Variants in ERCC6L2 observed in about 807,000 individuals in gnomAD.
The protein encoded by ERCC6L2 is ERCC excision repair 6 like 2, also known as DNA excision repair protein ERCC-6-like 2.
In ERCC6L2, 77 loss-of-function variants were observed where a neutral mutation model predicts 132.0. That is an observed-to-expected ratio of 0.58 (90% CI 0.49 to 0.71). The LOEUF (loss-of-function observed/expected upper bound fraction) is 0.71. ERCC6L2 is among the 30% of genes least tolerant of loss of function. ERCC6L2 has a pLI of 0.00. For synonymous variants in ERCC6L2, 583 were observed against 632.4 expected, an observed-to-expected ratio of 0.92 and a Z score of 1.17; for missense variants, 1,542 against 1,837.6, an observed-to-expected ratio of 0.84 and a Z score of 2.94.
rs748637010 is a variant in ERCC6L2 at position 96,012,541 on chromosome 9, A to G, written c.3991A>G (p.Thr1331Ala). The change falls in exon 19 of 19, where the codon ACA becomes GCA. Residue 1331 changes from threonine (T) to alanine (A), a missense_variant. Physicochemically the swap from Thr to Ala is moderately conservative, Grantham distance 58. Around this residue, in one of 4 missense-constraint regions of ERCC6L2, gnomAD observed 442 missense variants for 583.4 expected, o/e 0.76. Coordinates refer to ENST00000653738, the MANE Select transcript of ERCC6L2 (RefSeq NM_020207.7). ...NKISQVCSLK[T>A]YKRKSVKFQN... ...AATTTCTCAAGTTTGCAGCCTAAAA[A>G]CATATAAAAGAAAATCAGTTAAGTT... 7.3e-7 allele frequency: 1 copy of G among 1,367,498 alleles called. No homozygotes were observed. Among genetic ancestry groups the G allele is most frequent in the East Asian group, 4.5e-5 (1 of 21,994 alleles). 84.7% of individuals were successfully genotyped at this position (1,367,498 alleles called of 1,614,324 possible). A position where few individuals can be genotyped will look rare whatever the true frequency, so the allele number is the denominator to read the frequency against.
chr9:95,957,408 A>ATT (rs34977945), intron 13 of ERCC6L2, among the ~76,000 whole-genome samples: 114 of 136,926 alleles, frequency 8.3e-4, no homozygotes, highest in African/African-American at 2.8e-3. Context: ...TAAACAGTTC[A>ATT]TTTTTTTTTT....
chr9:95,878,198 A>G (rs772745996), intron 1 of ERCC6L2, among the ~76,000 whole-genome samples: 18 of 152,208 alleles, frequency 1.2e-4, no homozygotes, highest in Non-Finnish European at 1.9e-4. Context: ...TTGGAACACA[A>G]CTGTGCCCAT....
intron 12 of ERCC6L2, among the ~76,000 whole-genome samples, chr9:95,943,621 A>G (rs1830910646): frequency 6.6e-6 from 1 of 152,176 alleles, no homozygotes; most frequent in African/African-American, 2.4e-5. Context: ...TAAAGTATTA[A>G]TATCTAGAAT....
Position 96,015,533 on chromosome 9 carries a change from C to T in ERCC6L2, c.*2330C>T, listed in dbSNP as rs963885314. On this transcript the variant is annotated 3_prime_UTR_variant, in exon 19 of 19. Coordinates refer to ENST00000653738, the MANE Select transcript of ERCC6L2 (RefSeq NM_020207.7). ...CTTTTAGGCCGGGCACAGTGGCTCA[C>T]GCCTGTAATCCCAGCACTTTGGGAG... Among the ~76,000 whole-genome samples the T allele has an allele frequency of 6.6e-5, 10 of 151,316 alleles. No individual in the cohort carries two copies. Among genetic ancestry groups the T allele is most frequent in the Non-Finnish European group, 1.3e-4 (9 of 67,836 alleles).
At chr9:95,970,542 T>G in intron 14 of ERCC6L2, 34 bp from the exon 15 acceptor site, 1 of 1,261,914 alleles carries the variant, frequency 7.9e-7, no homozygotes, top group South Asian at 1.3e-5. Context: ...CTGTGTTGCA[T>G]AGCTATTTGC....
rs1156284688 is a variant in ERCC6L2, at chr9:95,958,857, A to G, written c.1947+2844A>G. On this transcript the variant is annotated intron_variant, in intron 13 of 18. Coordinates refer to ENST00000653738, the MANE Select transcript of ERCC6L2 (RefSeq NM_020207.7). The stretch of plus-strand genomic sequence containing the variant: ...ACCTCTTCAAGGAGAACTGCAAACC[A>G]CTGCTCAATGAAATAAAAGAGGGTA... Among the ~76,000 whole-genome samples, 6 of 152,040 alleles carry G rather than the reference A, an allele frequency of 3.9e-5. No individual in the cohort carries two copies. In the East Asian group the frequency reaches 1.2e-3, roughly 29 times the overall value.
intron 5 of ERCC6L2, 92 bp from the exon 6 acceptor site, chr9:95,916,135 A>G: frequency 8.6e-7 from 1 of 1,169,036 alleles, no homozygotes; most frequent in Non-Finnish European, 1.2e-6. Flanking sequence ...GTTACCGTTG[A>G]TAATCAAGTA....
At position 96,012,238 on chromosome 9, in the gene ERCC6L2, G is replaced by C. The variant is rs1834049823; in HGVS notation, c.3688G>C (p.Glu1230Gln). Residue 1230 changes from glutamate (E) to glutamine (Q), a missense_variant, in exon 19 of 19, where the codon GAA becomes CAA. Glu to Gln is a conservative substitution (Grantham distance 29, BLOSUM62 2). Around this residue, in one of 4 missense-constraint regions of ERCC6L2, gnomAD observed 442 missense variants for 583.4 expected, o/e 0.76. Transcript: ENST00000653738. ...PKGIRRKQFE[E>Q]MASYFNSSSV... ...TTTAATCTTTAGAAAACAATTTGAA[G>C]AAATGGCCTCTTATTTTAACTCGTC... 7.9e-7 allele frequency: 1 copy of C among 1,262,366 alleles called. No individual in the cohort carries two copies. The highest frequency in any genetic ancestry group is 5.0e-5 in the East Asian group (1 of 20,188). 78.2% of individuals were successfully genotyped at this position (1,262,366 alleles called of 1,614,324 possible). A position where few individuals can be genotyped will look rare whatever the true frequency, so the allele number is the denominator to read the frequency against.
At chr9:95,989,230 T>C (rs1349302417) in intron 17 of ERCC6L2, among the ~76,000 whole-genome samples, 1 of 152,184 alleles carries the variant, frequency 6.6e-6, no homozygotes, top group Admixed American at 6.5e-5. Flanking sequence ...GTTAAGCCAT[T>C]GGTGATCAGC....
At chr9:95,894,845 C>T (rs901834185) in intron 2 of ERCC6L2, among the ~76,000 whole-genome samples, 3 of 152,132 alleles carry the variant, frequency 2.0e-5, no homozygotes, top group Admixed American at 2.0e-4. Context: ...ATCCGCCCGC[C>T]TCGGCCTCCC....
intron 12 of ERCC6L2, among the ~76,000 whole-genome samples, chr9:95,946,253 G>T (rs1002967600): frequency 2.0e-5 from 3 of 152,160 alleles, no homozygotes; most frequent in African/African-American, 4.8e-5. Context: ...AATTGGCCGG[G>T]TGCAGTGGCT....
chr9:95,965,882 T>C (rs1832131859), intron 13 of ERCC6L2, among the ~76,000 whole-genome samples: 1 of 152,352 alleles, frequency 6.6e-6, no homozygotes, highest in South Asian at 2.1e-4. Flanking sequence ...CATTCTTTGT[T>C]TCTTTCAAGG....
At chr9:96,032,166 C>T (rs7023522) in intron 19 of ERCC6L2, among the ~76,000 whole-genome samples, 88,924 of 151,632 alleles carry the variant, frequency 0.59, 26,117 homozygotes, top group East Asian at 0.7. Context: ...CTTCCACACT[C>T]ACCCTGAGCC....
At chr9:95,910,844 G>A (rs1289542197) in intron 4 of ERCC6L2, among the ~76,000 whole-genome samples, 1 of 152,110 alleles carries the variant, frequency 6.6e-6, no homozygotes, top group African/African-American at 2.4e-5. Context: ...AATTTTTCTA[G>A]GCCTTCACAA....
At chr9:96,024,348 T>C (rs1834333856) in intron 19 of ERCC6L2, among the ~76,000 whole-genome samples, 1 of 152,218 alleles carries the variant, frequency 6.6e-6, no homozygotes. Context: ...GGACATAGAT[T>C]CTTTAAAGTC....
chr9:95,956,873 T>C (rs1243724312), intron 13 of ERCC6L2, among the ~76,000 whole-genome samples: 1 of 152,028 alleles, frequency 6.6e-6, no homozygotes, highest in African/African-American at 2.4e-5. Flanking sequence ...CTGCCAGCCT[T>C]TGAGTAACCT....
chr9:95,963,995 T>C (rs1248075951), intron 13 of ERCC6L2, among the ~76,000 whole-genome samples: 1 of 152,162 alleles, frequency 6.6e-6, no homozygotes, highest in Non-Finnish European at 1.5e-5. Flanking sequence ...TTTTTTTCTT[T>C]GTAATTGATA....
chr9:96,021,676 C>G (rs908873260), downstream of ERCC6L2: 1 of 153,492 alleles, frequency 6.5e-6, no homozygotes, highest in African/African-American at 2.4e-5. This position sits in a 1 kb window ranked among gnomAD's most constrained non-coding sequence, Gnocchi z 4.7. Context: ...CGGGAGGGTC[C>G]GCTCCCTTCC....
intron 11 of ERCC6L2, among the ~76,000 whole-genome samples, chr9:95,937,354 T>C (rs966551165): frequency 6.6e-6 from 1 of 152,130 alleles, no homozygotes; most frequent in African/African-American, 2.4e-5. Flanking sequence ...GTGGTTTGGA[T>C]TTGCATTTAC....
Sources: gnomAD v4.1 joint callset for allele counts (sites outside exome capture counted in the v4.1 genomes callset) on GRCh38, gnomAD v4.1.1 for gene constraint, gnomAD v4.1.1 regional missense constraint, Gnocchi (gnomAD v3.1) non-coding constraint, MANE v1.5 for transcripts, NCBI Gene and HGNC (gene_info 2026-07-23, HGNC 2026-07-21) for gene names.